Variants in MYOM1 observed in about 807,000 individuals in gnomAD.
The protein encoded by MYOM1 is myomesin 1.
A neutral mutation model predicts 205.3 loss-of-function variants in MYOM1; 164 were observed. That is an observed-to-expected ratio of 0.80 (90% CI 0.70 to 0.91). The LOEUF (loss-of-function observed/expected upper bound fraction) is 0.91, where lower values mean the gene tolerates loss of function less well. Among genes scored for constraint, MYOM1 ranks in the 40% least tolerant of loss-of-function variants. MYOM1 has a pLI of 0.00. For missense variants in MYOM1, 2,011 were observed against 2,127.3 expected, an observed-to-expected ratio of 0.95 and a Z score of 1.08; for synonymous variants, 772 against 789.4, an observed-to-expected ratio of 0.98 and a Z score of 0.37.
chr18:3,179,297 A>G lies in MYOM1; in HGVS notation c.930-3163T>C, dbSNP rs892221473. Among the ~76,000 whole-genome samples the G allele has an allele frequency of 1.8e-4, 28 of 152,192 alleles. No homozygotes were observed. The highest frequency in any genetic ancestry group is 2.6e-4 in the Admixed American group (4 of 15,276). On this transcript the variant is annotated intron_variant, in intron 5 of 37. Transcript: ENST00000356443. This position sits in a 1 kb window ranked among gnomAD's most constrained non-coding sequence, Gnocchi z 4.4. ...AATGCAATAGATTAATTGTAGCTTC[A>G]TAATTTTTTGTCTGAGAGAACAGAG...
chr18:3,095,106 G>A (rs568338309), intron 25 of MYOM1, among the ~76,000 whole-genome samples: 1 of 152,284 alleles, frequency 6.6e-6, no homozygotes, highest in Admixed American at 6.5e-5. Flanking sequence ...CAAGTTCAGT[G>A]TGATACATTC....
chr18:3,196,654 T>A (rs2080992287), intron 2 of MYOM1, among the ~76,000 whole-genome samples: 1 of 152,232 alleles, frequency 6.6e-6, no homozygotes, highest in Non-Finnish European at 1.5e-5. Flanking sequence ...TAGGTACATC[T>A]TTTTGTACTC....
At chr18:3,182,352 G>A (rs1320393119) in intron 5 of MYOM1, among the ~76,000 whole-genome samples, 1 of 152,248 alleles carries the variant, frequency 6.6e-6, no homozygotes, top group Admixed American at 6.5e-5. Flanking sequence ...GTTGATGGGT[G>A]CAGTACACCA....
chr18:3,227,551 G>C, the MYOM1 span, among the ~76,000 whole-genome samples: 1 of 152,188 alleles, frequency 6.6e-6, no homozygotes, highest in African/African-American at 2.4e-5. Context: ...GGGCGCGGTG[G>C]CTCACACCTG....
chr18:3,173,818 C>T lies in MYOM1; in HGVS notation c.1174+120G>A, dbSNP rs10153415. On this transcript the variant is annotated intron_variant, in intron 8 of 37. Transcript: ENST00000356443. ...ATAAAATAACCACAGGTACCTACTACATCCAACCTAGCATATACTATGTTA... is the reference window on the plus strand; with the variant it reads ...ATAAAATAACCACAGGTACCTACTATATCCAACCTAGCATATACTATGTTA... 0.3 allele frequency: 263,484 copies of T among 873,726 alleles called. 40,426 individuals carry two copies. The highest frequency in any genetic ancestry group is 0.4 in the African/African-American group (23,550 of 58,474). The allele number at this position is 873,726 out of a possible 1,614,324, so 54.1% of individuals were successfully genotyped here. A position where few individuals can be genotyped will look rare whatever the true frequency, so the allele number is the denominator to read the frequency against.
intron 20 of MYOM1, 25 bp downstream of exon 20, chr18:3,119,844 G>A: frequency 1.3e-6 from 2 of 1,584,396 alleles, no homozygotes; most frequent in Non-Finnish European, 1.7e-6. Context: ...GAGGTGCGGT[G>A]TGGAGGCAGG....
Position 3,148,622 on chromosome 18 carries a change from C to A in MYOM1, c.1900+523G>T, listed in dbSNP as rs1437790472. Reference sequence around the variant, plus strand: ...CAGCACTTTGGGAGGCCGAGACGGGCGGATCACGAGGTCAGGAGATCGAGA... The same window carrying A: ...CAGCACTTTGGGAGGCCGAGACGGGAGGATCACGAGGTCAGGAGATCGAGA... On this transcript the variant is annotated intron_variant, in intron 13 of 37. Coordinates refer to ENST00000356443, the MANE Select transcript of MYOM1 (RefSeq NM_003803.4). 2.6e-5 allele frequency among the ~76,000 whole-genome samples: 4 copies of A among 151,878 alleles called. No homozygotes were observed. The South Asian group carries it at 8.3e-4, about 32-fold the overall frequency.
intron 17 of MYOM1, among the ~76,000 whole-genome samples, chr18:3,130,956 T>C (rs2079866786): frequency 6.6e-6 from 1 of 152,228 alleles, no homozygotes; most frequent in African/African-American, 2.4e-5. Context: ...ATAAGAAGCA[T>C]GTTAATGTTC....
In MYOM1 at chr18:3,219,622, G is replaced by A. The variant is rs1567975113; in HGVS notation, c.-29+181C>T. ...TGTGAGAGAAGAGCTGTGCCAGCCC[G>A]ACTGGCACCCGGCTGTTCTGGTTTC... On this transcript the variant is annotated intron_variant, in intron 1 of 37. Transcript: ENST00000356443. This position sits in a 1 kb window ranked among gnomAD's most constrained non-coding sequence, Gnocchi z 4.4. 6.6e-6 allele frequency among the ~76,000 whole-genome samples: 1 copy of A among 152,180 alleles called. No homozygotes were observed. The highest frequency in any genetic ancestry group is 1.5e-5 in the Non-Finnish European group (1 of 68,022).
intron 36 of MYOM1, among the ~76,000 whole-genome samples, chr18:3,072,695 T>G (rs1410803763): frequency 6.6e-6 from 1 of 151,352 alleles, no homozygotes; most frequent in East Asian, 1.9e-4. Flanking sequence ...ATATTGTGTG[T>G]GTGTGGGGGG....
intron 8 of MYOM1, among the ~76,000 whole-genome samples, chr18:3,172,516 C>CTT (rs796101623): frequency 6.8e-6 from 1 of 146,630 alleles, no homozygotes. Context: ...TCCAACTATT[C>CTT]TTTTTTTTTT....
rs2079953961 is a variant in MYOM1 at position 3,135,986 on chromosome 18, A to G, written c.2026-256T>C. On this transcript the variant is annotated intron_variant, in intron 14 of 37. Transcript: ENST00000356443. This position sits in a 1 kb window ranked among gnomAD's most constrained non-coding sequence, Gnocchi z 4.1. ...TACAATTGTAGCTCCCATAATTCCC[A>G]TGTGTGTGGGAGGGACCTGGTGGGA... Among the ~76,000 whole-genome samples the G allele has an allele frequency of 6.6e-6, 1 of 152,080 alleles. No homozygotes were observed. The highest frequency in any genetic ancestry group is 2.1e-4 in the South Asian group (1 of 4,832).
chr18:3,103,327 G>A (rs1442324838), intron 22 of MYOM1, among the ~76,000 whole-genome samples: 1 of 152,172 alleles, frequency 6.6e-6, no homozygotes, highest in Admixed American at 6.5e-5. Context: ...AAATGGAAAT[G>A]AGTTTCAAGA....
At chr18:3,071,981 A>T in intron 36 of MYOM1, 92 bp from the exon 37 acceptor site, 1 of 1,084,972 alleles carries the variant, frequency 9.2e-7, no homozygotes, top group East Asian at 2.6e-5. Context: ...TTTCCAATTT[A>T]GTTTCCTTCT....
At chr18:3,092,194 T>C (rs899498551) in intron 26 of MYOM1, among the ~76,000 whole-genome samples, 2 of 151,692 alleles carry the variant, frequency 1.3e-5, no homozygotes, top group Non-Finnish European at 2.9e-5. Flanking sequence ...TGCTTCTAAA[T>C]GTGTTTACTC....
At chr18:3,195,926 TTC>T (rs1345753558) in intron 2 of MYOM1, among the ~76,000 whole-genome samples, 1 of 152,210 alleles carries the variant, frequency 6.6e-6, no homozygotes. Context: ...TCATGGCACT[TTC>T]ATCAGCTTCC....
chr18:3,185,561 G>A (rs2080798173), intron 5 of MYOM1, among the ~76,000 whole-genome samples: 1 of 151,906 alleles, frequency 6.6e-6, no homozygotes, highest in Non-Finnish European at 1.5e-5. Flanking sequence ...GGAAGTAATT[G>A]GTTTTTTAAG....
intron 13 of MYOM1, among the ~76,000 whole-genome samples, chr18:3,143,810 A>G (rs1474693906): frequency 6.8e-6 from 1 of 147,188 alleles, no homozygotes; most frequent in African/African-American, 2.5e-5. Context: ...CTGAGGTGAG[A>G]GAATTGCTTG....
intron 16 of MYOM1, among the ~76,000 whole-genome samples, chr18:3,133,632 A>T (rs2079909157): frequency 6.6e-6 from 1 of 152,190 alleles, no homozygotes; most frequent in African/African-American, 2.4e-5. Flanking sequence ...TATGTTAAGT[A>T]GAGTGTATTA....
Sources: gnomAD v4.1 joint callset for allele counts (sites outside exome capture counted in the v4.1 genomes callset) on GRCh38, gnomAD v4.1.1 for gene constraint, Gnocchi (gnomAD v3.1) non-coding constraint, MANE v1.5 for transcripts, NCBI Gene and HGNC (gene_info 2026-07-23, HGNC 2026-07-21) for gene names.